Variants in TTC7B observed in about 807,000 individuals in gnomAD.
The protein encoded by TTC7B is tetratricopeptide repeat protein 7B.
A neutral mutation model predicts 106.8 loss-of-function variants in TTC7B; 28 were observed. That is an observed-to-expected ratio of 0.26 (90% CI 0.19 to 0.36). The LOEUF (loss-of-function observed/expected upper bound fraction) is 0.36, where lower values mean the gene tolerates loss of function less well. TTC7B is among the 10% of genes least tolerant of loss of function. The pLI is 1.00. For synonymous variants in TTC7B, 405 were observed against 430.6 expected, an observed-to-expected ratio of 0.94 and a Z score of 0.74; for missense variants, 862 against 1,076.4, an observed-to-expected ratio of 0.80 and a Z score of 2.79.
chr14:90,696,333 G>A (rs990310082), intron 5 of TTC7B, among the ~76,000 whole-genome samples: 5 of 152,192 alleles, frequency 3.3e-5, no homozygotes, highest in African/African-American at 4.8e-5. Context: ...TCTGAAAGCT[G>A]CATCCAGCCT....
At chr14:90,737,912 C>T (rs1205969607) in intron 4 of TTC7B, among the ~76,000 whole-genome samples, 7 of 152,220 alleles carry the variant, frequency 4.6e-5, no homozygotes, top group African/African-American at 1.7e-4. Context: ...AGACAGACAG[C>T]AGATTAATAG....
intron 5 of TTC7B, among the ~76,000 whole-genome samples, chr14:90,716,896 G>A (rs74776301): frequency 6.6e-6 from 1 of 152,130 alleles, no homozygotes; most frequent in Non-Finnish European, 1.5e-5. Flanking sequence ...ATTATGCCAG[G>A]GGGAGGCAGA....
At chr14:90,658,709 C>T (rs140342850) in intron 9 of TTC7B, among the ~76,000 whole-genome samples, 3 of 152,318 alleles carry the variant, frequency 2.0e-5, no homozygotes, top group African/African-American at 7.2e-5. Flanking sequence ...GCCCCCAGGG[C>T]GAGAAACAGG....
At chr14:90,554,195 C>G (rs143810963) in intron 19 of TTC7B, among the ~76,000 whole-genome samples, 268 of 152,332 alleles carry the variant, frequency 1.8e-3, no homozygotes, top group African/African-American at 6.3e-3. Flanking sequence ...CATCCGGAGA[C>G]GGACCGCAGC....
chr14:90,720,106 T>A (rs1254673053), intron 5 of TTC7B, among the ~76,000 whole-genome samples: 4 of 151,948 alleles, frequency 2.6e-5, no homozygotes, highest in Non-Finnish European at 5.9e-5. Context: ...TCTTCCAATG[T>A]GGCCCAGGGA....
At chr14:90,782,126 G>A (rs574504960) in intron 2 of TTC7B, among the ~76,000 whole-genome samples, 144 of 152,256 alleles carry the variant, frequency 9.5e-4, no homozygotes, top group African/African-American at 3.4e-3. Context: ...CAGCGTGGTC[G>A]GCTTCCAGGC....
intron 7 of TTC7B, among the ~76,000 whole-genome samples, chr14:90,684,644 T>G (rs1566835339): frequency 1.3e-5 from 2 of 152,312 alleles, no homozygotes; most frequent in South Asian, 4.1e-4. Flanking sequence ...TATCGTATGA[T>G]TCCATGTATA....
At chr14:90,644,768 A>G (rs1031638738) in intron 14 of TTC7B, 2 of 152,324 alleles carry the variant, frequency 1.3e-5, no homozygotes, top group Admixed American at 1.3e-4. Context: ...GACCTCCACT[A>G]GACATCAAGG....
At chr14:90,638,743 T>C (rs569245446) in intron 15 of TTC7B, among the ~76,000 whole-genome samples, 3 of 152,312 alleles carry the variant, frequency 2.0e-5, no homozygotes, top group Admixed American at 2.0e-4. Context: ...TGAAAATTTA[T>C]GTGAAAGTTC....
intron 3 of TTC7B, among the ~76,000 whole-genome samples, chr14:90,770,732 A>C (rs1890837570): frequency 6.6e-6 from 1 of 152,290 alleles, no homozygotes; most frequent in East Asian, 1.9e-4. Context: ...TAGACCTAAG[A>C]GACATAAACA....
intron 12 of TTC7B, 24 bp from the exon 13 acceptor site, chr14:90,652,922 A>C: frequency 6.2e-7 from 1 of 1,613,700 alleles, no homozygotes; most frequent in Non-Finnish European, 8.5e-7. Context: ...TCAATTAGTC[A>C]GTGGCATGGG....
At chr14:90,586,788 C>T (rs925984130) in intron 18 of TTC7B, among the ~76,000 whole-genome samples, 1 of 152,134 alleles carries the variant, frequency 6.6e-6, no homozygotes, top group South Asian at 2.1e-4. Flanking sequence ...CCTCAGGCAC[C>T]CGACACTTCC....
intron 19 of TTC7B, among the ~76,000 whole-genome samples, chr14:90,552,676 G>A (rs957115178): frequency 3.9e-5 from 6 of 152,230 alleles, no homozygotes; most frequent in Admixed American, 3.3e-4. Context: ...GGCTCCTGGG[G>A]ACATGCTGCC....
chr14:90,726,828 T>C (rs552402008), intron 5 of TTC7B, among the ~76,000 whole-genome samples: 2 of 152,180 alleles, frequency 1.3e-5, no homozygotes, highest in Admixed American at 6.5e-5. Flanking sequence ...AAGATGTTTT[T>C]TCAGCCTTAA....
chr14:90,684,553 A>T (rs556637061), intron 7 of TTC7B, among the ~76,000 whole-genome samples: 2 of 152,356 alleles, frequency 1.3e-5, no homozygotes, highest in East Asian at 3.9e-4. Context: ...GCAGCAATGA[A>T]AAACACTGCT....
At chr14:90,550,207 G>T (rs758740753) in intron 19 of TTC7B, among the ~76,000 whole-genome samples, 1 of 152,148 alleles carries the variant, frequency 6.6e-6, no homozygotes, top group East Asian at 1.9e-4. Flanking sequence ...CAGCTTTGAC[G>T]GGACAAGAGA....
chr14:90,730,943 G>A (rs1889300731), intron 4 of TTC7B, among the ~76,000 whole-genome samples: 1 of 152,168 alleles, frequency 6.6e-6, no homozygotes. Flanking sequence ...GTGTAAACAT[G>A]TAGCTGCTAC....
At chr14:90,637,502 A>G (rs933473899) in intron 15 of TTC7B, among the ~76,000 whole-genome samples, 1 of 152,020 alleles carries the variant, frequency 6.6e-6, no homozygotes, top group Non-Finnish European at 1.5e-5. Context: ...AAAAAGTACT[A>G]CTCCAACTCA....
rs1476049253 is a variant in TTC7B, at chr14:90,663,422, T to G, written c.1153-5035A>C. ...GCCCCTAAAAAGGCCACATGCTTCT[T>G]GAACTGTTTCAGAGACTCAGCGATA... is the stretch of plus-strand genomic sequence containing the variant. On this transcript the variant is annotated intron_variant, in intron 9 of 19. Transcript: ENST00000328459. This position sits in a 1 kb window ranked among gnomAD's most constrained non-coding sequence, Gnocchi z 4.5. Among the ~76,000 whole-genome samples, 1 of 151,840 alleles carries G rather than the reference T, an allele frequency of 6.6e-6. No homozygotes were observed. The highest frequency in any genetic ancestry group is 1.5e-5 in the Non-Finnish European group (1 of 67,998).
Sources: allele counts gnomAD v4.1 joint callset (sites outside exome capture counted in the v4.1 genomes callset), GRCh38; gene constraint gnomAD v4.1.1; non-coding constraint Gnocchi (gnomAD v3.1); transcripts MANE v1.5; gene names NCBI Gene and HGNC (gene_info 2026-07-23, HGNC 2026-07-21).